SNX30: variants seen among roughly 807,000 people sequenced by gnomAD.
SNX30 encodes the protein sorting nexin family member 30, also known as sorting nexin-30.
Under a neutral mutation model 46.4 loss-of-function variants are expected in SNX30, and 24 were observed. That is an observed-to-expected ratio of 0.52 (90% confidence interval 0.37 to 0.73). SNX30 has a LOEUF of 0.73. SNX30 is among the 30% of genes least tolerant of loss of function. SNX30 has a pLI of 0.00. For missense variants in SNX30, 533 were observed against 555.7 expected, an observed-to-expected ratio of 0.96 and a Z score of 0.41; for synonymous variants, 189 against 211.5, an observed-to-expected ratio of 0.89 and a Z score of 0.92.
At chr9:112,843,413 C>T (rs572976797) in intron 6 of SNX30, among the ~76,000 whole-genome samples, 4 of 152,140 alleles carry the variant, frequency 2.6e-5, no homozygotes, top group Non-Finnish European at 5.9e-5. Flanking sequence ...AAGGCTGTGG[C>T]TGGAGACTTG....
At chr9:112,763,171 T>A (rs1205718667) in intron 1 of SNX30, among the ~76,000 whole-genome samples, 1 of 139,904 alleles carries the variant, frequency 7.1e-6, no homozygotes, top group Non-Finnish European at 1.6e-5. Flanking sequence ...TATATATGTA[T>A]ATATATATTT....
Position 112,821,405 on chromosome 9 carries a change from A to G in SNX30, c.459+3590A>G, listed in dbSNP as rs919080047. On this transcript the variant is annotated intron_variant, in intron 3 of 8. Transcript: ENST00000374232. ...TCATAGTTCTTTTTTCAAATTTTAT[A>G]TATATGTGTGTATATATATATGTGT... is the stretch of plus-strand genomic sequence containing the variant. Among the ~76,000 whole-genome samples the G allele has an allele frequency of 8.6e-5, 13 of 151,732 alleles. 1 individual carries two copies. The Admixed American group carries it at 8.7e-4, about 10-fold the overall frequency.
chr9:112,758,320 T>C (rs1001241506), intron 1 of SNX30, among the ~76,000 whole-genome samples: 11 of 151,422 alleles, frequency 7.3e-5, no homozygotes, highest in African/African-American at 2.7e-4. Flanking sequence ...TTAAACATGC[T>C]CAAGTTGCGC....
chr9:112,750,192 C>T (rs1839241781), upstream of SNX30, among the ~76,000 whole-genome samples: 1 of 152,250 alleles, frequency 6.6e-6, no homozygotes, highest in African/African-American at 2.4e-5. Context: ...AAATCCAGCT[C>T]AGCTGCAGAA....
chr9:112,792,606 A>AGT (rs1044835992), intron 1 of SNX30, among the ~76,000 whole-genome samples: 11 of 151,934 alleles, frequency 7.2e-5, no homozygotes, highest in African/African-American at 2.7e-4. Context: ...TTGTATTTTT[A>AGT]CTAGAGACAG....
At chr9:112,772,524 T>C (rs1297542242) in intron 1 of SNX30, among the ~76,000 whole-genome samples, 1 of 152,200 alleles carries the variant, frequency 6.6e-6, no homozygotes, top group East Asian at 1.9e-4. Flanking sequence ...TGTGGAGATA[T>C]CTAGGCGTGT....
chr9:112,772,003 GGTT>G (rs1839658693), intron 1 of SNX30, among the ~76,000 whole-genome samples: 1 of 152,098 alleles, frequency 6.6e-6, no homozygotes, highest in Non-Finnish European at 1.5e-5. Context: ...GCAAACCTTC[GGTT>G]GTTTCACAGT....
intron 1 of SNX30, among the ~76,000 whole-genome samples, chr9:112,770,073 TC>T (rs1839621359): frequency 6.6e-6 from 1 of 152,116 alleles, no homozygotes; most frequent in African/African-American, 2.4e-5. Flanking sequence ...GCTTCCACCT[TC>T]CCACCTTCAG....
chr9:112,838,513 TGA>T lies in SNX30; in HGVS notation c.835_836del (p.Glu279IlefsTer14). On this transcript the variant is annotated frameshift_variant, in exon 6 of 9. Coordinates refer to ENST00000374232, the MANE Select transcript of SNX30 (RefSeq NM_001012994.2). LOFTEE classifies it high-confidence loss of function. The stretch of plus-strand genomic sequence containing the variant: ...CCCTGTTCAGAGTACCTTGTGGAGC[TGA>T]GAGAATACGGGCCTGTGTACTCCAC... 6.2e-7 allele frequency: 1 copy of T among 1,612,122 alleles called. No individual in the cohort carries two copies. Among genetic ancestry groups the T allele is most frequent in the African/African-American group, 1.3e-5 (1 of 75,000 alleles).
At chr9:112,804,072 TG>T (rs1840182293) in intron 1 of SNX30, among the ~76,000 whole-genome samples, 2 of 148,556 alleles carry the variant, frequency 1.3e-5, no homozygotes, top group South Asian at 4.3e-4. Context: ...GTACCTCAGA[TG>T]GAAATGCAGA....
At chr9:112,787,550 T>G (rs1839949423) in intron 1 of SNX30, among the ~76,000 whole-genome samples, 3 of 152,236 alleles carry the variant, frequency 2.0e-5, no homozygotes, top group South Asian at 4.1e-4. Flanking sequence ...ATTTTTAGTT[T>G]AGAGAGACAG....
At chr9:112,851,585 G>A (rs1430664874) in intron 7 of SNX30, among the ~76,000 whole-genome samples, 1 of 152,180 alleles carries the variant, frequency 6.6e-6, no homozygotes, top group Non-Finnish European at 1.5e-5. Context: ...GTAACTGCTC[G>A]GTAGGTTCAC....
chr9:112,832,962 C>A (rs995538805), intron 4 of SNX30, among the ~76,000 whole-genome samples: 1 of 151,054 alleles, frequency 6.6e-6, no homozygotes, highest in Non-Finnish European at 1.5e-5. Flanking sequence ...TTAAACAGAA[C>A]AAATTTTAGC....
chr9:112,770,612 C>T (rs1042749709), intron 1 of SNX30, among the ~76,000 whole-genome samples: 1 of 152,188 alleles, frequency 6.6e-6, no homozygotes, highest in Non-Finnish European at 1.5e-5. Context: ...TCCCCCTGCC[C>T]ACTCCCTTGC....
chr9:112,777,873 A>G (rs1839775953), intron 1 of SNX30, among the ~76,000 whole-genome samples: 1 of 152,128 alleles, frequency 6.6e-6, no homozygotes, highest in Non-Finnish European at 1.5e-5. Context: ...CTAGGCAGAC[A>G]TTGTTTTGGT....
chr9:112,860,323 C>T (rs996435316), intron 7 of SNX30, among the ~76,000 whole-genome samples: 1 of 152,174 alleles, frequency 6.6e-6, no homozygotes, highest in African/African-American at 2.4e-5. Context: ...TTTCCATAAG[C>T]CTTTATAAAA....
Position 112,869,127 on chromosome 9 carries a change from G to T in SNX30, c.*284G>T. ...GCACTACGAAAATTTGAAACCAAGG[G>T]ACAAGACAACCTGCAGCTGACGCTC... On this transcript the variant is annotated 3_prime_UTR_variant, in exon 9 of 9. Transcript: ENST00000374232. 1 of 401,278 alleles carries T rather than the reference G, an allele frequency of 2.5e-6. No homozygotes were observed. The highest frequency in any genetic ancestry group is 3.6e-5 in the South Asian group (1 of 28,100). The allele number at this position is 401,278 out of a possible 1,614,324, so 24.9% of individuals were successfully genotyped here.
intron 2 of SNX30, among the ~76,000 whole-genome samples, chr9:112,812,869 G>T (rs886627306): frequency 6.6e-6 from 1 of 152,004 alleles, no homozygotes; most frequent in South Asian, 2.1e-4. Flanking sequence ...ACAACAGGCC[G>T]GGCATGGTGC....
intron 1 of SNX30, among the ~76,000 whole-genome samples, chr9:112,777,603 T>TATTTA (rs1182516362): frequency 1.9e-3 from 9 of 4,674 alleles, no homozygotes; most frequent in Admixed American, 0.017. Context: ...GTTTTTAATT[T>TATTTA]TTTTTTTTTT....
Sources: allele counts gnomAD v4.1 joint callset (sites outside exome capture counted in the v4.1 genomes callset), GRCh38; gene constraint gnomAD v4.1.1; transcripts MANE v1.5; gene names NCBI Gene and HGNC (gene_info 2026-07-23, HGNC 2026-07-21).